WNK1: variants seen among roughly 807,000 people sequenced by gnomAD.
WNK1 encodes the protein serine/threonine-protein kinase WNK1.
Under a neutral mutation model 222.8 loss-of-function variants are expected in WNK1, and 38 were observed. That is an observed-to-expected ratio of 0.17 (90% CI 0.13 to 0.22). The LOEUF (loss-of-function observed/expected upper bound fraction) is 0.22. Ranked by LOEUF, WNK1 falls within the 10% of genes least tolerant of loss-of-function variation. WNK1 has a pLI of 1.00. For synonymous variants in WNK1, 1,090 were observed against 1,092.9 expected (o/e 1.00, Z 0.05); for missense variants, 2,348 against 2,918.4 (o/e 0.80, Z 4.50).
intron 5 of WNK1, 104 bp downstream of exon 5, chr12:857,353 G>C: frequency 1.8e-6 from 2 of 1,094,304 alleles, no homozygotes; most frequent in Non-Finnish European, 2.8e-6. Context: ...TTTGTGATTG[G>C]TTTCTCTATT....
intron 1 of WNK1, among the ~76,000 whole-genome samples, chr12:784,304 G>T (rs928864175): frequency 6.6e-6 from 1 of 152,018 alleles, no homozygotes; most frequent in Non-Finnish European, 1.5e-5. Flanking sequence ...ATTGGCTAAT[G>T]GCTACTATTA....
intron 4 of WNK1, among the ~76,000 whole-genome samples, chr12:856,537 C>T (rs1408150090): frequency 6.6e-6 from 1 of 151,982 alleles, no homozygotes; most frequent in Non-Finnish European, 1.5e-5. Flanking sequence ...TATGTAGTAT[C>T]ACATGTGATA....
chr12:872,189 A>C (rs923748267), intron 9 of WNK1, among the ~76,000 whole-genome samples: 2 of 152,096 alleles, frequency 1.3e-5, no homozygotes, highest in African/African-American at 4.8e-5. Context: ...GCAGTGGTGC[A>C]ATCTTGGCTC....
chr12:775,249 T>C (rs1397395223), intron 1 of WNK1, among the ~76,000 whole-genome samples: 3 of 152,246 alleles, frequency 2.0e-5, no homozygotes, highest in African/African-American at 4.8e-5. Context: ...TATTCCCTTA[T>C]TTCTGTATTT....
rs199607427 is a variant in WNK1, at chr12:778,457, C to T, written c.759+24133C>T. 3.9e-4 allele frequency among the ~76,000 whole-genome samples: 59 copies of T among 151,952 alleles called. No homozygotes were observed. In the East Asian group the frequency reaches 0.011, roughly 28 times the overall value. On this transcript the variant is annotated intron_variant, in intron 1 of 27. Coordinates refer to ENST00000315939, the MANE Select transcript of WNK1 (RefSeq NM_018979.4). Reference sequence around the variant, plus strand: ...AAGCAGTTCTCCTGCCTCAGCCTTCCGAGTAGCTGGGATTACAGGCATGCC... The same window carrying T: ...AAGCAGTTCTCCTGCCTCAGCCTTCTGAGTAGCTGGGATTACAGGCATGCC...
In WNK1 at chr12:880,871, G is replaced by C. The variant is rs754908616; in HGVS notation, c.2983G>C (p.Val995Leu). Residue 995 changes from valine to leucine, a missense_variant, in exon 12 of 28, where the codon GTG becomes CTG. Val to Leu is a conservative substitution (Grantham distance 32). Coordinates refer to ENST00000315939, the MANE Select transcript of WNK1 (RefSeq NM_018979.4). ...LATPGYFPTV[V>L]QPYVESNLLV... ...TACACCTGGGTACTTTCCCACAGTG[G>C]TGCAGCCTTATGTGGAATCAAATCT... 1.2e-6 allele frequency: 2 copies of C among 1,614,140 alleles called. No individual in the cohort carries two copies. Among genetic ancestry groups the C allele is most frequent in the Admixed American group, 3.3e-5 (2 of 60,018 alleles).
In WNK1 at chr12:859,479, G is replaced by C; in HGVS notation, c.1620+15G>C. The C allele has an allele frequency of 6.3e-7, 1 of 1,589,674 alleles. No individual in the cohort carries two copies. Among genetic ancestry groups the C allele is most frequent in the Non-Finnish European group, 8.6e-7 (1 of 1,160,792 alleles). On this transcript the variant is annotated intron_variant, in intron 6 of 27. Transcript: ENST00000315939. The stretch of plus-strand genomic sequence containing the variant: ...CACAAGAAATGGTAAATTGACATTA[G>C]CCATTTTAAAATTGATTTAGACTTA...
chr12:904,347 C>T (rs1204595074), intron 26 of WNK1: 1 of 864,626 alleles, frequency 1.2e-6, no homozygotes, highest in South Asian at 1.4e-5. Context: ...TCTGTCTCAC[C>T]TCCTGCTTTC....
At chr12:871,191 C>T in intron 8 of WNK1, 74 bp from the exon 9 acceptor site, 1 of 1,356,558 alleles carries the variant, frequency 7.4e-7, no homozygotes, top group Non-Finnish European at 1.1e-6. Context: ...ATTAAATATT[C>T]ATTGCAAAAG....
chr12:791,752 A>G (rs1944865107), intron 1 of WNK1, among the ~76,000 whole-genome samples: 1 of 152,196 alleles, frequency 6.6e-6, no homozygotes, highest in South Asian at 2.1e-4. Flanking sequence ...TGACATTAAT[A>G]TAAATGATGC....
intron 1 of WNK1, among the ~76,000 whole-genome samples, chr12:809,686 G>A: frequency 6.6e-6 from 1 of 152,132 alleles, no homozygotes; most frequent in East Asian, 1.9e-4. Flanking sequence ...TTTAAGAAGA[G>A]TTAGTTACCT....
chr12:807,042 CAAGT>C (rs1204141936), intron 1 of WNK1, among the ~76,000 whole-genome samples: 1 of 150,472 alleles, frequency 6.6e-6, no homozygotes, highest in East Asian at 1.9e-4. Context: ...CCTTATTCCC[CAAGT>C]AAGTATGGAA....
chr12:796,165 C>T (rs1264894846), intron 1 of WNK1, among the ~76,000 whole-genome samples: 2 of 152,162 alleles, frequency 1.3e-5, no homozygotes, highest in African/African-American at 2.4e-5. Flanking sequence ...TGAGCCACCA[C>T]TCCTGACCAT....
intron 2 of WNK1, among the ~76,000 whole-genome samples, chr12:823,921 T>C (rs910883268): frequency 1.7e-4 from 13 of 78,578 alleles, no homozygotes; most frequent in African/African-American, 5.6e-4. Context: ...TTTTTTTTTT[T>C]GGAGATGGAG....
intron 11 of WNK1, 72 bp from the exon 12 acceptor site, chr12:880,646 TTTG>T: frequency 1.4e-6 from 2 of 1,471,696 alleles, no homozygotes; most frequent in Admixed American, 1.8e-5. Flanking sequence ...TTTTTTTTTT[TTTG>T]CATGTCTTGC....
At chr12:761,964 A>C (rs929358468) in intron 1 of WNK1, among the ~76,000 whole-genome samples, 9 of 147,466 alleles carry the variant, frequency 6.1e-5, no homozygotes, top group African/African-American at 2.2e-4. Context: ...ACCCCAGGGT[A>C]CCAAAATTCA....
intron 4 of WNK1, among the ~76,000 whole-genome samples, chr12:835,051 G>T (rs1029254079): frequency 1.3e-5 from 2 of 152,220 alleles, no homozygotes; most frequent in African/African-American, 4.8e-5. Flanking sequence ...GGGCCTGTAG[G>T]CTCACGCCTG....
chr12:878,151 TC>T lies in WNK1; in HGVS notation c.2224-59del, dbSNP rs916499873. On this transcript the variant is annotated intron_variant, in intron 9 of 27. Transcript: ENST00000315939. Reference sequence around the variant, plus strand: ...ACTGAAGGCTTTAGGTAAACATGCTTCCTTAGAAACATGCTGTTATTGATTT... The same window carrying T: ...ACTGAAGGCTTTAGGTAAACATGCTTCTTAGAAACATGCTGTTATTGATTT... The T allele has an allele frequency of 2.4e-5, 39 of 1,607,866 alleles. No homozygotes were observed. The African/African-American group carries it at 4.8e-4, about 20-fold the overall frequency.
chr12:843,509 A>G (rs1949786055), intron 4 of WNK1, among the ~76,000 whole-genome samples: 1 of 152,234 alleles, frequency 6.6e-6, no homozygotes, highest in African/African-American at 2.4e-5. Context: ...TTGCAAATCT[A>G]ATGTCTAGTC....
Sources: gnomAD v4.1 joint callset for allele counts (sites outside exome capture counted in the v4.1 genomes callset) on GRCh38, gnomAD v4.1.1 for gene constraint, MANE v1.5 for transcripts, NCBI Gene and HGNC (gene_info 2026-07-23, HGNC 2026-07-21) for gene names.